The following PIKFYVE variants were observed in gnomAD, a reference collection of about 807,000 sequenced individuals.
PIKFYVE encodes the protein phosphoinositide kinase, FYVE-type zinc finger containing, also known as 1-phosphatidylinositol 3-phosphate 5-kinase.
In PIKFYVE, 122 loss-of-function variants were observed where a neutral mutation model predicts 257.9. The ratio of observed to expected loss-of-function variants is 0.47; its 90% CI spans 0.41 to 0.55. PIKFYVE has a LOEUF of 0.55. Ranked by LOEUF, PIKFYVE falls within the 20% of genes least tolerant of loss-of-function variation. PIKFYVE has a pLI of 0.00. For synonymous variants in PIKFYVE, 892 were observed against 868.9 expected (o/e 1.03, Z -0.47); for missense variants, 2,160 against 2,536.6 (o/e 0.85, Z 3.19).
chr2:208,326,632 G>A (rs1037533658), intron 20 of PIKFYVE, among the ~76,000 whole-genome samples: 17 of 152,114 alleles, frequency 1.1e-4, no homozygotes, highest in Middle Eastern at 3.2e-3. Flanking sequence ...AATGAAACTG[G>A]GTTTCAGGGT....
At chr2:208,293,714 C>T (rs1692612020) in intron 7 of PIKFYVE, among the ~76,000 whole-genome samples, 1 of 147,624 alleles carries the variant, frequency 6.8e-6, no homozygotes, top group African/African-American at 2.5e-5. Context: ...TGGGGTCTTG[C>T]TGTGTTGCCC....
intron 35 of PIKFYVE, among the ~76,000 whole-genome samples, chr2:208,348,598 A>ATG (rs1559172593): frequency 1.6e-5 from 1 of 64,048 alleles, no homozygotes; most frequent in East Asian, 3.5e-4. Context: ...AAAAAAAAAA[A>ATG]AGTGTGTGTG....
intron 13 of PIKFYVE, among the ~76,000 whole-genome samples, chr2:208,313,263 A>G (rs1695124048): frequency 6.6e-6 from 1 of 152,070 alleles, no homozygotes; most frequent in Non-Finnish European, 1.5e-5. Context: ...AGCATTTATT[A>G]TTTATTTTTT....
intron 6 of PIKFYVE, among the ~76,000 whole-genome samples, chr2:208,286,458 G>T (rs1691589175): frequency 6.6e-6 from 1 of 152,094 alleles, no homozygotes; most frequent in Non-Finnish European, 1.5e-5. Flanking sequence ...CTGCTTGGTA[G>T]TAGAGGGTGC....
chr2:208,300,580 G>A (rs962228152), intron 8 of PIKFYVE, among the ~76,000 whole-genome samples: 3 of 152,216 alleles, frequency 2.0e-5, no homozygotes, highest in African/African-American at 7.2e-5. Flanking sequence ...CTGGTGGAGT[G>A]AAAGCCTCTA....
chr2:208,354,359 TAAA>T (rs1332032667), intron 40 of PIKFYVE, among the ~76,000 whole-genome samples, 200 bp downstream of exon 40: 1 of 152,232 alleles, frequency 6.6e-6, no homozygotes, highest in East Asian at 1.9e-4. Context: ...ATATGTGAAT[TAAA>T]AAAGTCACTT....
At chr2:208,349,012 A>C (rs1256897656) in intron 35 of PIKFYVE, among the ~76,000 whole-genome samples, 1 of 152,044 alleles carries the variant, frequency 6.6e-6, no homozygotes, top group African/African-American at 2.4e-5. Context: ...AAAATAAAAA[A>C]ATTAGCCGGG....
chr2:208,304,562 T>C (rs1327665882), intron 11 of PIKFYVE, among the ~76,000 whole-genome samples: 1 of 152,208 alleles, frequency 6.6e-6, no homozygotes, highest in Non-Finnish European at 1.5e-5. Flanking sequence ...GAACTAATAA[T>C]ATGGCAGCAG....
At chr2:208,335,248 C>A in intron 24 of PIKFYVE, 58 bp from the exon 25 acceptor site, 1 of 1,107,244 alleles carries the variant, frequency 9.0e-7, no homozygotes, top group Non-Finnish European at 1.4e-6. Flanking sequence ...TGATACAGCT[C>A]TATTCAAGAT....
chr2:208,330,358 A>G (rs1697393789), intron 22 of PIKFYVE, among the ~76,000 whole-genome samples, 165 bp from the exon 23 acceptor site: 1 of 152,236 alleles, frequency 6.6e-6, no homozygotes, highest in Non-Finnish European at 1.5e-5. Flanking sequence ...GGTGCTTAAC[A>G]AATGGAAACT....
At chr2:208,325,179 T>C in intron 19 of PIKFYVE, 91 bp from the exon 20 acceptor site, 5 of 1,558,078 alleles carry the variant, frequency 3.2e-6, no homozygotes, top group Non-Finnish European at 4.4e-6. Context: ...GAGTTTTTCT[T>C]TTACAGATAT....
At chr2:208,270,411 G>A (rs1689265767) in intron 1 of PIKFYVE, among the ~76,000 whole-genome samples, 1 of 152,174 alleles carries the variant, frequency 6.6e-6, no homozygotes, top group South Asian at 2.1e-4. Context: ...CAATATGGCA[G>A]AAAATAGTAC....
At chr2:208,308,862 C>A (rs1694651758) in intron 12 of PIKFYVE, among the ~76,000 whole-genome samples, 1 of 152,144 alleles carries the variant, frequency 6.6e-6, no homozygotes, top group Admixed American at 6.5e-5. Context: ...CTCCTGCCAC[C>A]ATGCCCGGCT....
chr2:208,306,740 A>C (rs983498015), intron 12 of PIKFYVE, among the ~76,000 whole-genome samples: 24 of 151,754 alleles, frequency 1.6e-4, no homozygotes, highest in Non-Finnish European at 2.9e-4. Flanking sequence ...CAGTTGACAA[A>C]AATATGACCC....
At chr2:208,268,578 CT>C (rs67368199) in intron 1 of PIKFYVE, among the ~76,000 whole-genome samples, 6 of 145,120 alleles carry the variant, frequency 4.1e-5, no homozygotes, top group African/African-American at 7.6e-5. Context: ...TGCCTGGCCT[CT>C]TTTTTTTTTT....
chr2:208,300,277 A>G (rs570361857), intron 8 of PIKFYVE, among the ~76,000 whole-genome samples: 1 of 152,192 alleles, frequency 6.6e-6, no homozygotes, highest in Non-Finnish European at 1.5e-5. Flanking sequence ...GAGGAAGGTG[A>G]ATCTTATTTA....
intron 35 of PIKFYVE, among the ~76,000 whole-genome samples, chr2:208,349,127 C>G (rs1048874805): frequency 1.3e-5 from 2 of 152,108 alleles, no homozygotes; most frequent in African/African-American, 4.8e-5. Flanking sequence ...TGCGCCATTG[C>G]ACTCCTGCCT....
At chr2:208,283,765 A>G (rs188605011) in intron 5 of PIKFYVE, among the ~76,000 whole-genome samples, 4,581 of 151,954 alleles carry the variant, frequency 0.03, 215 homozygotes, top group African/African-American at 0.091. Context: ...TGTATTTTTT[A>G]TTGATGTGGG....
rs543577788 is a variant in PIKFYVE, at chr2:208,350,875, C to A, written c.5539C>A (p.Arg1847Ser). 4.3e-6 allele frequency: 7 copies of A among 1,614,148 alleles called. No homozygotes were observed. Among genetic ancestry groups the A allele is most frequent in the Non-Finnish European group, 8.5e-7 (1 of 1,180,036 alleles). ...GGACAGCAGTGAAGAAGATTTCATTCGTTCCCTCTCCCACTCATCACCCTG... is the reference window on the plus strand; with the variant it reads ...GGACAGCAGTGAAGAAGATTTCATTAGTTCCCTCTCCCACTCATCACCCTG... Reference protein sequence around the residue: ...ILDSSEEDFIRSLSHSSPWQA... With the variant: ...ILDSSEEDFISSLSHSSPWQA... The change falls in exon 37 of 42, where the codon CGT becomes AGT. Residue 1847 changes from arginine (R) to serine (S), a missense_variant. By Grantham distance (110) the Arg-to-Ser change is moderately radical (BLOSUM62 -1). Coordinates refer to ENST00000264380, the MANE Select transcript of PIKFYVE (RefSeq NM_015040.4).
Sources: gnomAD v4.1 joint callset for allele counts (sites outside exome capture counted in the v4.1 genomes callset) on GRCh38, gnomAD v4.1.1 for gene constraint, MANE v1.5 for transcripts, NCBI Gene and HGNC (gene_info 2026-07-23, HGNC 2026-07-21) for gene names.